LARGE1: variants seen among roughly 807,000 people sequenced by gnomAD.
The protein encoded by LARGE1 is LARGE xylosyl- and glucuronyltransferase 1, also known as xylosyl- and glucuronyltransferase LARGE1.
Under a neutral mutation model 87.6 loss-of-function variants are expected in LARGE1, and 43 were observed. The ratio of observed to expected loss-of-function variants is 0.49; its 90% confidence interval spans 0.38 to 0.63. LARGE1 has a LOEUF of 0.63. Ranked by LOEUF, LARGE1 falls within the 30% of genes least tolerant of loss-of-function variation. The pLI, the probability that LARGE1 is intolerant of heterozygous loss-of-function variation, is 0.00. For missense variants in LARGE1, 802 were observed against 1,000.2 expected, an observed-to-expected ratio of 0.80 and a Z score of 2.67; for synonymous variants, 434 against 394.6, an observed-to-expected ratio of 1.10 and a Z score of -1.18.
the LARGE1 span, among the ~76,000 whole-genome samples, chr22:33,113,373 A>C: frequency 6.6e-6 from 1 of 151,902 alleles, no homozygotes; most frequent in Admixed American, 6.6e-5. Context: ...ACGCCTGGCT[A>C]ATTTTGTATT....
intron 1 of LARGE1, among the ~76,000 whole-genome samples, chr22:33,776,038 G>C (rs1334237267): frequency 6.6e-6 from 1 of 152,116 alleles, no homozygotes; most frequent in Non-Finnish European, 1.5e-5. Flanking sequence ...CTTCAGAGAG[G>C]ACCTTTCCCT....
At chr22:33,858,840 A>G (rs927316371) in intron 1 of LARGE1, among the ~76,000 whole-genome samples, 1 of 152,198 alleles carries the variant, frequency 6.6e-6, no homozygotes, top group Non-Finnish European at 1.5e-5. Flanking sequence ...GCACATACAC[A>G]CCACGGAATA....
chr22:33,299,848 C>G (rs915804803), intron 12 of LARGE1, among the ~76,000 whole-genome samples: 9 of 152,220 alleles, frequency 5.9e-5, no homozygotes, highest in African/African-American at 4.8e-5. Context: ...AAAGTGAAAG[C>G]TGTACATCCA....
intron 5 of LARGE1, among the ~76,000 whole-genome samples, chr22:33,578,084 A>G (rs2078404045): frequency 6.6e-6 from 1 of 152,220 alleles, no homozygotes; most frequent in Admixed American, 6.5e-5. Flanking sequence ...CAGAAGATTT[A>G]GACCGTGGTA....
intron 11 of LARGE1, among the ~76,000 whole-genome samples, chr22:33,310,984 C>G (rs1184048423): frequency 6.7e-6 from 1 of 149,964 alleles, no homozygotes; most frequent in Non-Finnish European, 1.5e-5. Flanking sequence ...TTTTTGAGAC[C>G]GAGTCTCGCT....
chr22:33,665,127 T>C (rs539686595), intron 2 of LARGE1, among the ~76,000 whole-genome samples: 3 of 152,166 alleles, frequency 2.0e-5, no homozygotes, highest in Non-Finnish European at 4.4e-5. Flanking sequence ...TATAATACCA[T>C]TCTTCAGAGC....
At chr22:33,264,829 A>C (rs1348308445) in intron 11 of LARGE1, among the ~76,000 whole-genome samples, 1 of 151,194 alleles carries the variant, frequency 6.6e-6, no homozygotes, top group Non-Finnish European at 1.5e-5. Flanking sequence ...TTCAATTTTA[A>C]CAAGAATCCT....
chr22:33,831,041 A>G (rs894606036), intron 1 of LARGE1, among the ~76,000 whole-genome samples: 2 of 152,132 alleles, frequency 1.3e-5, no homozygotes, highest in Non-Finnish European at 2.9e-5. Context: ...GTAGACGACA[A>G]TGGTGGTGAT....
At chr22:33,850,961 G>C (rs1278142886) in intron 1 of LARGE1, among the ~76,000 whole-genome samples, 5 of 152,150 alleles carry the variant, frequency 3.3e-5, no homozygotes, top group Non-Finnish European at 7.3e-5. Context: ...TAATGACAAG[G>C]TTCCTATGGC....
At chr22:33,451,646 C>G (rs1352522913) in intron 6 of LARGE1, among the ~76,000 whole-genome samples, 5 of 151,542 alleles carry the variant, frequency 3.3e-5, no homozygotes, top group Non-Finnish European at 7.4e-5. Context: ...GCAACCTCTG[C>G]CTCCCAGGTT....
intron 2 of LARGE1, among the ~76,000 whole-genome samples, chr22:33,700,305 T>C (rs978060429): frequency 1.3e-5 from 2 of 152,140 alleles, no homozygotes; most frequent in Non-Finnish European, 2.9e-5. Flanking sequence ...GAATCGATGC[T>C]CTAGGAAAAA....
intron 6 of LARGE1, among the ~76,000 whole-genome samples, chr22:33,471,904 G>T (rs897312396): frequency 2.0e-5 from 3 of 152,156 alleles, no homozygotes; most frequent in African/African-American, 4.8e-5. Flanking sequence ...ACAAAAATTA[G>T]CTGGGCGTGG....
At chr22:33,396,463 C>CAGAG (rs3071529) in intron 7 of LARGE1, among the ~76,000 whole-genome samples, 3,654 of 104,668 alleles carry the variant, frequency 0.035, 125 homozygotes, top group African/African-American at 0.041. Flanking sequence ...GAGAGAGTGA[C>CAGAG]AGAGAGAGAG....
At chr22:33,875,703 G>A (rs971181629) in intron 1 of LARGE1, among the ~76,000 whole-genome samples, 16 of 152,154 alleles carry the variant, frequency 1.1e-4, no homozygotes, top group African/African-American at 3.1e-4. Context: ...GGAGGAAGCC[G>A]CCTGATTTCG....
At chr22:33,161,889 C>T (rs1311591592), downstream of LARGE1, among the ~76,000 whole-genome samples, 4 of 152,176 alleles carry the variant, frequency 2.6e-5, no homozygotes, top group South Asian at 2.1e-4. Flanking sequence ...AGTCTGTTTG[C>T]TAAAGCATTT....
chr22:33,077,531 G>A, the LARGE1 span, among the ~76,000 whole-genome samples: 1 of 152,122 alleles, frequency 6.6e-6, no homozygotes, highest in East Asian at 1.9e-4. Flanking sequence ...TTTTCTATAA[G>A]TGATCAAGTC....
chr22:33,417,393 G>A (rs1039700414), intron 7 of LARGE1, among the ~76,000 whole-genome samples: 4 of 152,206 alleles, frequency 2.6e-5, no homozygotes, highest in African/African-American at 9.7e-5. Context: ...AGAAATGCAG[G>A]TGGGAGTGTA....
chr22:33,728,576 A>AAAAG (rs56192894), intron 2 of LARGE1, among the ~76,000 whole-genome samples: 1 of 103,732 alleles, frequency 9.6e-6, no homozygotes, highest in Non-Finnish European at 2.1e-5. Context: ...AAAAAAAAAA[A>AAAAG]AAACCAACAA....
chr22:33,170,732 A>G (rs1196435540), intron 11 of LARGE1, among the ~76,000 whole-genome samples: 1 of 152,200 alleles, frequency 6.6e-6, no homozygotes, highest in African/African-American at 2.4e-5. Context: ...TCCTTTAAAA[A>G]TTACCCCATC....
Sources: gnomAD v4.1 joint callset for allele counts (sites outside exome capture counted in the v4.1 genomes callset) on GRCh38, gnomAD v4.1.1 for gene constraint, MANE v1.5 for transcripts, NCBI Gene and HGNC (gene_info 2026-07-23, HGNC 2026-07-21) for gene names.